Variants in LRRTM4 observed in about 807,000 individuals in gnomAD.
LRRTM4 encodes the protein leucine-rich repeat transmembrane neuronal protein 4.
A neutral mutation model predicts 47.6 loss-of-function variants in LRRTM4; 25 were observed. The observed-to-expected ratio is 0.53, with a 90% CI of 0.38 to 0.73. The LOEUF (loss-of-function observed/expected upper bound fraction) is 0.73. Ranked by LOEUF, LRRTM4 falls within the 30% of genes least tolerant of loss-of-function variation. LRRTM4 has a pLI of 0.00. For synonymous variants in LRRTM4, 311 were observed against 269.5 expected (o/e 1.15, Z -1.51); for missense variants, 638 against 713.4 (o/e 0.89, Z 1.20).
intron 3 of LRRTM4, among the ~76,000 whole-genome samples, chr2:76,788,266 TGAGAGGGGACAACATCTGA>T (rs1674786006): frequency 6.6e-6 from 1 of 152,134 alleles, no homozygotes; most frequent in South Asian, 2.1e-4. Context: ...CCTTAGCGGT[TGAGAGGGGACAACATCTGA>T]GAGTTAGACA....
intron 3 of LRRTM4, among the ~76,000 whole-genome samples, chr2:77,052,592 C>T (rs1322770875): frequency 2.0e-5 from 3 of 151,684 alleles, no homozygotes; most frequent in Admixed American, 6.6e-5. Flanking sequence ...TTTTACTGAT[C>T]TGAAGGAAGA....
At chr2:77,227,960 A>G (rs1442580704) in intron 3 of LRRTM4, among the ~76,000 whole-genome samples, 8 of 152,182 alleles carry the variant, frequency 5.3e-5, no homozygotes, top group Middle Eastern at 3.4e-3. Context: ...TTATTTAAAA[A>G]GTTATTGATT....
chr2:76,935,288 T>G (rs575932539), intron 3 of LRRTM4, among the ~76,000 whole-genome samples: 2 of 152,334 alleles, frequency 1.3e-5, no homozygotes, highest in South Asian at 4.1e-4. Context: ...GGTAGTGTGA[T>G]GCCTCCAGCT....
chr2:77,461,138 TGAGAGAGAGA>T (rs72075725), intron 3 of LRRTM4, among the ~76,000 whole-genome samples: 1 of 145,358 alleles, frequency 6.9e-6, no homozygotes, highest in Non-Finnish European at 1.5e-5. Flanking sequence ...ACATACACAG[TGAGAGAGAGA>T]GAGAGAGAGA....
At chr2:77,365,910 TTA>T (rs752640398) in intron 3 of LRRTM4, among the ~76,000 whole-genome samples, 9,802 of 147,944 alleles carry the variant, frequency 0.066, 1,079 homozygotes, top group African/African-American at 0.23. Context: ...TTTTCCTATA[TTA>T]TATATATATA....
rs936685653 is a variant in LRRTM4 at position 77,509,242 on chromosome 2, A to C, written c.1551+9076T>G. ...GTGAGACTCTGTATCAAAAAAAAAA[A>C]AAAAGCCAAAAACAAACAAACAAAC... On this transcript the variant is annotated intron_variant, in intron 3 of 3. Transcript: ENST00000409884. Among the ~76,000 whole-genome samples the C allele has an allele frequency of 1.5e-3, 225 of 151,638 alleles. 1 individual carries two copies. Among genetic ancestry groups the C allele is most frequent in the African/African-American group, 5.3e-3 (219 of 41,374 alleles).
At chr2:77,100,963 G>C (rs1326985687) in intron 3 of LRRTM4, among the ~76,000 whole-genome samples, 3 of 150,070 alleles carry the variant, frequency 2.0e-5, no homozygotes, top group Non-Finnish European at 4.4e-5. Flanking sequence ...AGCCTCCCAA[G>C]TAGCTGGGAT....
chr2:76,748,624 C>T lies in LRRTM4; in HGVS notation c.*71G>A. On this transcript the variant is annotated 3_prime_UTR_variant, in exon 4 of 4. Coordinates refer to ENST00000409884, the MANE Select transcript of LRRTM4 (RefSeq NM_001134745.3). Reference sequence around the variant, plus strand: ...TTGCTCGATTGCGCGATTGTGGACACCCATTCTCCTTTAAGATGAAGGCCC... The same window carrying T: ...TTGCTCGATTGCGCGATTGTGGACATCCATTCTCCTTTAAGATGAAGGCCC... 1 of 1,229,566 alleles carries T rather than the reference C, an allele frequency of 8.1e-7. No homozygotes were observed. The highest frequency in any genetic ancestry group is 1.2e-6 in the Non-Finnish European group (1 of 851,412). 76.2% of individuals were successfully genotyped at this position (1,229,566 alleles called of 1,614,324 possible).
At chr2:77,441,625 GAAAT>G (rs1373577589) in intron 3 of LRRTM4, among the ~76,000 whole-genome samples, 1 of 152,060 alleles carries the variant, frequency 6.6e-6, no homozygotes, top group East Asian at 1.9e-4. Context: ...AATGACTAAA[GAAAT>G]AAACATTGCA....
chr2:76,854,054 T>G (rs1037314684), intron 3 of LRRTM4, among the ~76,000 whole-genome samples: 12 of 152,202 alleles, frequency 7.9e-5, no homozygotes, highest in African/African-American at 2.7e-4. Flanking sequence ...TAGCAGTCAC[T>G]CTGAGTTGGC....
chr2:77,190,358 C>T (rs531642707), intron 3 of LRRTM4, among the ~76,000 whole-genome samples: 244 of 144,590 alleles, frequency 1.7e-3, no homozygotes, highest in African/African-American at 4.6e-3. Flanking sequence ...AGCAACGGCA[C>T]GATCTTGGCT....
intron 3 of LRRTM4, among the ~76,000 whole-genome samples, chr2:76,759,472 G>C (rs1389484729): frequency 2.0e-5 from 3 of 152,110 alleles, no homozygotes; most frequent in African/African-American, 4.8e-5. Context: ...TGACCTTTTA[G>C]AGACGATCTT....
intron 3 of LRRTM4, among the ~76,000 whole-genome samples, chr2:77,117,469 AC>A (rs1671417602): frequency 6.6e-6 from 1 of 151,602 alleles, no homozygotes; most frequent in South Asian, 2.1e-4. Context: ...TGATTATTTT[AC>A]CCCCAGGTTA....
intron 3 of LRRTM4, among the ~76,000 whole-genome samples, chr2:77,276,686 CATATATAT>C (rs3980215): frequency 0.19 from 13,417 of 71,638 alleles, 1,885 homozygotes; most frequent in Non-Finnish European, 0.24. Context: ...TTTGTGTACG[CATATATAT>C]ATATATATAT....
intron 3 of LRRTM4, among the ~76,000 whole-genome samples, chr2:77,114,632 C>T (rs1436680413): frequency 6.6e-6 from 1 of 152,090 alleles, no homozygotes; most frequent in East Asian, 1.9e-4. Context: ...TAGGTTCTTT[C>T]TATTTTCCCT....
At chr2:76,796,699 CAAAGACAG>C (rs1162362230) in intron 3 of LRRTM4, among the ~76,000 whole-genome samples, 1 of 133,270 alleles carries the variant, frequency 7.5e-6, no homozygotes, top group Non-Finnish European at 1.6e-5. Flanking sequence ...ATAAAAACCA[CAAAGACAG>C]GGAAAAAACA....
chr2:77,262,014 G>T (rs966455680), intron 3 of LRRTM4, among the ~76,000 whole-genome samples: 2 of 151,910 alleles, frequency 1.3e-5, no homozygotes, highest in African/African-American at 4.8e-5. Flanking sequence ...TCAAATCAGC[G>T]GTGGCATTAG....
chr2:77,480,366 C>T (rs577392910), intron 3 of LRRTM4, among the ~76,000 whole-genome samples: 11 of 152,240 alleles, frequency 7.2e-5, no homozygotes, highest in African/African-American at 2.4e-4. Context: ...ATTAGAAATG[C>T]TTTGTGCTAA....
chr2:76,973,402 C>T (rs1029789448), intron 3 of LRRTM4, among the ~76,000 whole-genome samples: 2 of 151,894 alleles, frequency 1.3e-5, no homozygotes, highest in Non-Finnish European at 2.9e-5. Flanking sequence ...AATATTTTCT[C>T]AGAAATGTCA....
Sources: gnomAD v4.1 joint callset for allele counts (sites outside exome capture counted in the v4.1 genomes callset) on GRCh38, gnomAD v4.1.1 for gene constraint, MANE v1.5 for transcripts, NCBI Gene and HGNC (gene_info 2026-07-23, HGNC 2026-07-21) for gene names.